HOMER1: variants seen among roughly 807,000 people sequenced by gnomAD.
The protein encoded by HOMER1 is homer protein homolog 1.
HOMER1 carries 3 observed loss-of-function variants against 48.9 expected under a neutral mutation model. The observed-to-expected ratio is 0.06, with a 90% CI of 0.03 to 0.16. The LOEUF (loss-of-function observed/expected upper bound fraction) is 0.16. HOMER1 is among the 10% of genes least tolerant of loss of function. The pLI is 1.00. For missense variants in HOMER1, 247 were observed against 411.4 expected (o/e 0.60, Z 3.46); for synonymous variants, 134 against 146.4 (o/e 0.92, Z 0.61).
At chr5:79,485,430 C>T (rs1035402376) in intron 1 of HOMER1, among the ~76,000 whole-genome samples, 14 of 152,154 alleles carry the variant, frequency 9.2e-5, no homozygotes, top group African/African-American at 2.7e-4. Context: ...AAGAGTAAGG[C>T]ATGAACTTTA....
intron 1 of HOMER1, among the ~76,000 whole-genome samples, chr5:79,486,545 T>C (rs1356686942): frequency 6.6e-6 from 1 of 152,232 alleles, no homozygotes; most frequent in Non-Finnish European, 1.5e-5. Flanking sequence ...ATATTGCTAT[T>C]GATATGTGTT....
chr5:79,444,157 T>C (rs1025488441), intron 4 of HOMER1, among the ~76,000 whole-genome samples: 19 of 152,198 alleles, frequency 1.2e-4, no homozygotes, highest in East Asian at 3.8e-4. Flanking sequence ...ATTCAGCAGA[T>C]TGGGTTAAAC....
chr5:79,427,875 T>A (rs1260278098), intron 5 of HOMER1, among the ~76,000 whole-genome samples: 2 of 151,952 alleles, frequency 1.3e-5, no homozygotes, highest in African/African-American at 4.8e-5. Context: ...TTTCTTTCAA[T>A]TAGAAACAAA....
chr5:79,382,068 T>C (rs1748997043), intron 8 of HOMER1, among the ~76,000 whole-genome samples: 1 of 151,882 alleles, frequency 6.6e-6, no homozygotes, highest in South Asian at 2.1e-4. Context: ...GAAAAAATAA[T>C]TTCAGAACTC....
At chr5:79,398,281 T>C (rs1412078700) in intron 6 of HOMER1, among the ~76,000 whole-genome samples, 28 of 149,856 alleles carry the variant, frequency 1.9e-4, no homozygotes, top group Admixed American at 1.8e-3. Context: ...AAAACTAGAA[T>C]CAGCAATAGA....
At chr5:79,405,583 C>T (rs1023183333) in intron 5 of HOMER1, among the ~76,000 whole-genome samples, 4 of 152,054 alleles carry the variant, frequency 2.6e-5, no homozygotes, top group African/African-American at 9.7e-5. Flanking sequence ...CAGAATCTAT[C>T]AGATTGCATT....
chr5:79,470,519 G>A (rs1021727508), intron 1 of HOMER1, among the ~76,000 whole-genome samples: 4 of 152,146 alleles, frequency 2.6e-5, no homozygotes, highest in African/African-American at 9.7e-5. Context: ...GCACTCCTGA[G>A]TGACTTAAAG....
chr5:79,422,339 C>T (rs1427255860), intron 5 of HOMER1, among the ~76,000 whole-genome samples: 1 of 151,998 alleles, frequency 6.6e-6, no homozygotes, highest in Non-Finnish European at 1.5e-5. Context: ...TGAATTTCAA[C>T]TACACATTTT....
chr5:79,411,116 G>C (rs1749803439), intron 5 of HOMER1, among the ~76,000 whole-genome samples: 1 of 152,132 alleles, frequency 6.6e-6, no homozygotes, highest in Non-Finnish European at 1.5e-5. Flanking sequence ...CAAATCTAGA[G>C]GGAGTTCAAA....
rs537447352 is a variant in HOMER1 at position 79,495,848 on chromosome 5, G to T, written c.5+16922C>A. On this transcript the variant is annotated intron_variant, in intron 1 of 8. Coordinates refer to ENST00000334082, the MANE Select transcript of HOMER1 (RefSeq NM_004272.5). Reference sequence around the variant, plus strand: ...ACTGTCAACAGTGTCAACACATTCTGAAAGATGCCTTATAGAAATTCAAAA... The same window carrying T: ...ACTGTCAACAGTGTCAACACATTCTTAAAGATGCCTTATAGAAATTCAAAA... Among the ~76,000 whole-genome samples the T allele has an allele frequency of 1.8e-4, 28 of 152,312 alleles. No homozygotes were observed. In the South Asian group the frequency reaches 5.4e-3, roughly 29 times the overall value.
rs533777154 is a variant in HOMER1, at chr5:79,407,038, A to G, written c.528-4983T>C. On this transcript the variant is annotated intron_variant, in intron 5 of 8. Coordinates refer to ENST00000334082, the MANE Select transcript of HOMER1 (RefSeq NM_004272.5). ...TTTGAGGTGTGCACACACACAAAAAAAGACCAAAAGATGAGTGTCGAGCAG... is the reference window on the plus strand; with the variant it reads ...TTTGAGGTGTGCACACACACAAAAAGAGACCAAAAGATGAGTGTCGAGCAG... Among the ~76,000 whole-genome samples the G allele has an allele frequency of 2.0e-5, 3 of 152,354 alleles. No individual in the cohort carries two copies. The East Asian group carries it at 5.8e-4, about 29-fold the overall frequency.
chr5:79,486,431 C>G (rs942462395), intron 1 of HOMER1, among the ~76,000 whole-genome samples: 1 of 152,164 alleles, frequency 6.6e-6, no homozygotes, highest in African/African-American at 2.4e-5. Context: ...ACATAAAAAA[C>G]AAAGCATCAA....
Position 79,436,817 on chromosome 5 carries a change from A to C in HOMER1, c.527+2193T>G, listed in dbSNP as rs918014369. On this transcript the variant is annotated intron_variant, in intron 5 of 8. Transcript: ENST00000334082. ...CAGGTGGAAATCTTGTTTTCAGTCA[A>C]GTAACTAGTGAATACTGATTAATAC... Among the ~76,000 whole-genome samples, 8 of 152,338 alleles carry C rather than the reference A, an allele frequency of 5.3e-5. No individual in the cohort carries two copies. In the East Asian group the frequency reaches 1.5e-3, roughly 29 times the overall value.
intron 6 of HOMER1, among the ~76,000 whole-genome samples, chr5:79,399,012 G>T (rs567911593): frequency 1.3e-5 from 2 of 152,178 alleles, no homozygotes; most frequent in South Asian, 4.2e-4. Context: ...AAAATCTTGG[G>T]AATTATTTCA....
chr5:79,423,166 T>A (rs564926530), intron 5 of HOMER1, among the ~76,000 whole-genome samples: 6 of 152,172 alleles, frequency 3.9e-5, no homozygotes, highest in Non-Finnish European at 7.4e-5. Flanking sequence ...AATGGCATAA[T>A]TGACTTCACT....
At chr5:79,447,016 C>A (rs2112287628) in intron 4 of HOMER1, 37 bp downstream of exon 4, 4 of 1,214,632 alleles carry the variant, frequency 3.3e-6, no homozygotes, top group Non-Finnish European at 4.9e-6. Context: ...CTGAAATGAA[C>A]AAGGTTCATA....
intron 1 of HOMER1, among the ~76,000 whole-genome samples, chr5:79,463,682 T>C (rs1163040280): frequency 6.6e-6 from 1 of 152,238 alleles, no homozygotes; most frequent in Admixed American, 6.5e-5. Flanking sequence ...TTCAGAACTA[T>C]ACAAGCTACA....
In HOMER1 at chr5:79,375,912, T is replaced by TC. The variant is rs1748759235; in HGVS notation, c.*96_*97insG. On this transcript the variant is annotated 3_prime_UTR_variant, in exon 9 of 9. Coordinates refer to ENST00000334082, the MANE Select transcript of HOMER1 (RefSeq NM_004272.5). ...TGGAGGAGTGATATTCAATTTTTTT[T>TC]TTTTTTTTTTTGTGCAATCTTGATG... 2 of 556,368 alleles carry TC rather than the reference T, an allele frequency of 3.6e-6. No individual in the cohort carries two copies. Among genetic ancestry groups the TC allele is most frequent in the Admixed American group, 8.8e-5 (2 of 22,798 alleles). The allele number at this position is 556,368 out of a possible 1,614,324, so 34.5% of individuals were successfully genotyped here.
Position 79,483,783 on chromosome 5 carries a change from G to A in HOMER1, c.6-26765C>T, listed in dbSNP as rs145958062. The stretch of plus-strand genomic sequence containing the variant: ...AAAAAAAAAAAAAGTGGCCGGGTGT[G>A]GTGGCTCACGCCGGTAATCCCAGCA... On this transcript the variant is annotated intron_variant, in intron 1 of 8. Coordinates refer to ENST00000334082, the MANE Select transcript of HOMER1 (RefSeq NM_004272.5). 4.2e-3 allele frequency among the ~76,000 whole-genome samples: 633 copies of A among 151,272 alleles called. 3 individuals carry two copies. The highest frequency in any genetic ancestry group is 0.014 in the South Asian group (67 of 4,792).
Sources: gnomAD v4.1 joint callset for allele counts (sites outside exome capture counted in the v4.1 genomes callset) on GRCh38, gnomAD v4.1.1 for gene constraint, MANE v1.5 for transcripts, NCBI Gene and HGNC (gene_info 2026-07-23, HGNC 2026-07-21) for gene names.